The following IL1F10 variants were observed in gnomAD, a reference collection of about 807,000 sequenced individuals.
IL1F10 encodes the protein interleukin-1 family member 10.
In IL1F10, 13 loss-of-function variants were observed where a neutral mutation model predicts 13.1. The observed-to-expected ratio is 0.99, with a 90% CI of 0.64 to 1.57. The LOEUF (loss-of-function observed/expected upper bound fraction) is 1.57, where lower values mean the gene tolerates loss of function less well. Among genes scored for constraint, IL1F10 ranks in the 40% most tolerant of loss-of-function variants. The pLI is 0.00. For synonymous variants in IL1F10, 78 were observed against 68.2 expected, an observed-to-expected ratio of 1.14 and a Z score of -0.71; for missense variants, 191 against 184.1, an observed-to-expected ratio of 1.04 and a Z score of -0.22.
chr2:113,068,208 A>T (rs976027043), intron 1 of IL1F10, among the ~76,000 whole-genome samples, 192 bp downstream of exon 1: 2 of 152,244 alleles, frequency 1.3e-5, no homozygotes, highest in Admixed American at 6.5e-5. Flanking sequence ...GAGGAGAAGG[A>T]ATAGGTTAAG....
chr2:113,068,363 T>C (rs1245245417), intron 1 of IL1F10, among the ~76,000 whole-genome samples: 1 of 151,202 alleles, frequency 6.6e-6, no homozygotes, highest in Non-Finnish European at 1.5e-5. Context: ...TTTGTGCTCC[T>C]TGGTAGCTCC....
chr2:113,075,114 G>A (rs1431675549), intron 4 of IL1F10, 38 bp from the exon 5 acceptor site: 14 of 1,548,258 alleles, frequency 9.0e-6, no homozygotes, highest in Admixed American at 1.7e-5. Flanking sequence ...ACCTCCATCA[G>A]CACTCTCATT....
Sources: gnomAD v4.1 joint callset for allele counts (sites outside exome capture counted in the v4.1 genomes callset) on GRCh38, gnomAD v4.1.1 for gene constraint, MANE v1.5 for transcripts, NCBI Gene and HGNC (gene_info 2026-07-23, HGNC 2026-07-21) for gene names.